Variants in AUTS2 observed in about 807,000 individuals in gnomAD.
AUTS2 encodes the protein autism susceptibility gene 2 protein.
In AUTS2, 17 loss-of-function variants were observed where a neutral mutation model predicts 112.4. The observed-to-expected ratio is 0.15, with a 90% CI of 0.10 to 0.23. AUTS2 has a LOEUF of 0.23. Among genes scored for constraint, AUTS2 ranks in the 10% least tolerant of loss-of-function variants. The probability of loss-of-function intolerance (pLI) is 1.00; values close to 1 mark genes in which losing one functional copy is unlikely to be tolerated. For missense variants in AUTS2, 1,510 were observed against 1,701.6 expected (o/e 0.89, Z 1.98); for synonymous variants, 751 against 702.7 (o/e 1.07, Z -1.09).
intron 1 of AUTS2, among the ~76,000 whole-genome samples, chr7:69,744,962 G>A (rs1322247766): frequency 2.0e-5 from 3 of 152,202 alleles, no homozygotes; most frequent in African/African-American, 4.8e-5. Context: ...GCTTCTCAAG[G>A]AATGTCTTTT....
rs111916587 is a variant in AUTS2, at chr7:70,336,455, G to A, written c.661-99297G>A. On this transcript the variant is annotated intron_variant, in intron 4 of 18. Coordinates refer to ENST00000342771, the MANE Select transcript of AUTS2 (RefSeq NM_015570.4). ...ATTATTTCAATTTGCCCACATGGAG[G>A]GTGATTGTTTTTTAGTGTGTTCCCT... 6.0e-3 allele frequency among the ~76,000 whole-genome samples: 919 copies of A among 152,242 alleles called. 13 individuals are homozygous for A. The highest frequency in any genetic ancestry group is 0.021 in the African/African-American group (876 of 41,544).
At chr7:70,090,442 C>T (rs1009908721) in intron 2 of AUTS2, among the ~76,000 whole-genome samples, 1 of 152,004 alleles carries the variant, frequency 6.6e-6, no homozygotes, top group African/African-American at 2.4e-5. Flanking sequence ...CAGCTCACTG[C>T]AATCTTCACC....
rs536249122 is a variant in AUTS2 at position 70,308,921 on chromosome 7, G to A, written c.661-126831G>A. ...AGAGTGAAATGGGGCATCGCCTTTCGGGTCTATAGGGGTGCACTGAGCAGT... is the reference window on the plus strand; with the variant it reads ...AGAGTGAAATGGGGCATCGCCTTTCAGGTCTATAGGGGTGCACTGAGCAGT... On this transcript the variant is annotated intron_variant, in intron 4 of 18. Coordinates refer to ENST00000342771, the MANE Select transcript of AUTS2 (RefSeq NM_015570.4). 1.1e-4 allele frequency among the ~76,000 whole-genome samples: 16 copies of A among 152,242 alleles called. No individual in the cohort carries two copies. In the East Asian group the frequency reaches 2.7e-3, roughly 26 times the overall value.
intron 2 of AUTS2, among the ~76,000 whole-genome samples, chr7:69,987,966 G>A (rs1208627628): frequency 6.6e-6 from 1 of 152,156 alleles, no homozygotes; most frequent in African/African-American, 2.4e-5. Flanking sequence ...GCGTGTGTAT[G>A]TCAGGGGAGG....
intron 5 of AUTS2, among the ~76,000 whole-genome samples, chr7:70,692,388 C>A (rs922991086): frequency 6.6e-6 from 1 of 152,168 alleles, no homozygotes; most frequent in African/African-American, 2.4e-5. Flanking sequence ...TTGATTGTTC[C>A]AAAAGAAACA....
At chr7:69,972,971 T>TTATTTTACA (rs1797916243) in intron 2 of AUTS2, among the ~76,000 whole-genome samples, 1 of 152,206 alleles carries the variant, frequency 6.6e-6, no homozygotes, top group Non-Finnish European at 1.5e-5. Flanking sequence ...ACCTCATCTG[T>TTATTTTACA]GTTTACAGAA....
intron 14 of AUTS2, among the ~76,000 whole-genome samples, chr7:70,779,231 G>A (rs1790902874): frequency 6.6e-6 from 1 of 152,144 alleles, no homozygotes; most frequent in South Asian, 2.1e-4. Flanking sequence ...TCGATACTGG[G>A]ACTTTCATTA....
Position 70,785,936 on chromosome 7 carries a change from T to C in AUTS2, c.2225-19T>C. The C allele has an allele frequency of 6.2e-7, 1 of 1,612,928 alleles. No homozygotes were observed. The highest frequency in any genetic ancestry group is 8.5e-7 in the Non-Finnish European group (1 of 1,179,400). On this transcript the variant is annotated intron_variant, in intron 16 of 18. Coordinates refer to ENST00000342771, the MANE Select transcript of AUTS2 (RefSeq NM_015570.4). ...AGCAGAGCCCCTGACCATTTCCTTC[T>C]TCCCCATCTTGTTTGCAGAGCCTTT...
At chr7:70,300,159 C>T (rs1000437629) in intron 4 of AUTS2, among the ~76,000 whole-genome samples, 1 of 152,140 alleles carries the variant, frequency 6.6e-6, no homozygotes, top group African/African-American at 2.4e-5. Context: ...AATCTTTTGG[C>T]TTCCTTGGGC....
chr7:69,940,663 T>C (rs1236024910), intron 2 of AUTS2, among the ~76,000 whole-genome samples: 1 of 152,126 alleles, frequency 6.6e-6, no homozygotes, highest in African/African-American at 2.4e-5. Context: ...AGATGTAAGC[T>C]TTAACGTGTT....
chr7:69,671,519 G>GTGTGTC (rs949387185), intron 1 of AUTS2, among the ~76,000 whole-genome samples: 1 of 149,760 alleles, frequency 6.7e-6, no homozygotes, highest in Non-Finnish European at 1.5e-5. Flanking sequence ...GTGTGTGTGT[G>GTGTGTC]TGTGTCTGTG....
chr7:69,748,392 T>C (rs1787602542), intron 1 of AUTS2, among the ~76,000 whole-genome samples: 1 of 152,186 alleles, frequency 6.6e-6, no homozygotes, highest in African/African-American at 2.4e-5. Flanking sequence ...CAATTATTGT[T>C]AGTGTTGTAA....
chr7:70,180,045 T>G (rs745871707), intron 4 of AUTS2, among the ~76,000 whole-genome samples: 2 of 152,206 alleles, frequency 1.3e-5, no homozygotes, highest in African/African-American at 2.4e-5. Flanking sequence ...TTTCTTTGCT[T>G]CTTCTGGTAC....
intron 12 of AUTS2, 170 bp downstream of exon 12, chr7:70,774,269 C>G: frequency 1.6e-6 from 1 of 629,368 alleles, no homozygotes; most frequent in Non-Finnish European, 2.8e-6. Context: ...AACACAGTCT[C>G]TCCTGCTCAC....
At chr7:70,306,953 T>C (rs1010957485) in intron 4 of AUTS2, among the ~76,000 whole-genome samples, 7 of 152,118 alleles carry the variant, frequency 4.6e-5, no homozygotes, top group Non-Finnish European at 2.9e-5. Context: ...ATTGCTTTCT[T>C]TTTTTTCCCA....
intron 4 of AUTS2, among the ~76,000 whole-genome samples, chr7:70,352,381 G>A (rs1791808732): frequency 6.6e-6 from 1 of 151,996 alleles, no homozygotes; most frequent in African/African-American, 2.4e-5. Context: ...TTTAATCTTC[G>A]GCTGCAATCC....
At chr7:70,348,714 G>T (rs1195487966) in intron 4 of AUTS2, among the ~76,000 whole-genome samples, 1 of 152,200 alleles carries the variant, frequency 6.6e-6, no homozygotes, top group Non-Finnish European at 1.5e-5. Flanking sequence ...GGAGGCTGAG[G>T]CAGGAGAATG....
rs1418756117 is a variant in AUTS2 at position 70,381,524 on chromosome 7, G to A, written c.661-54228G>A. On this transcript the variant is annotated intron_variant, in intron 4 of 18. Transcript: ENST00000342771. ...CATTCAGGAAACTTGCAAATCATTC[G>A]TTAGCCCTAGACACAAATGTAAGAA... Among the ~76,000 whole-genome samples, 8 of 152,136 alleles carry A rather than the reference G, an allele frequency of 5.3e-5. No individual in the cohort carries two copies. In the East Asian group the frequency reaches 9.6e-4, roughly 18 times the overall value.
chr7:70,167,172 G>T (rs1808427320), intron 4 of AUTS2, among the ~76,000 whole-genome samples: 1 of 152,170 alleles, frequency 6.6e-6, no homozygotes, highest in African/African-American at 2.4e-5. Context: ...GTTGCAGTGA[G>T]CCATGATTGC....
Sources: allele counts gnomAD v4.1 joint callset (sites outside exome capture counted in the v4.1 genomes callset), GRCh38; gene constraint gnomAD v4.1.1; transcripts MANE v1.5; gene names NCBI Gene and HGNC (gene_info 2026-07-23, HGNC 2026-07-21).